The following TAS2R1 variants were observed in gnomAD, a reference collection of about 807,000 sequenced individuals.
The protein encoded by TAS2R1 is taste 2 receptor member 1.
For synonymous variants in TAS2R1, 141 were observed against 134.2 expected, an observed-to-expected ratio of 1.05 and a Z score of -0.35; for missense variants, 370 against 353.4, an observed-to-expected ratio of 1.05 and a Z score of -0.38.
intron 1 of TAS2R1, among the ~76,000 whole-genome samples, chr5:9,670,486 A>G (rs965891964): frequency 6.6e-6 from 1 of 152,194 alleles, no homozygotes; most frequent in Non-Finnish European, 1.5e-5. Flanking sequence ...TGTTCTGTCT[A>G]TAAATCTTCT....
At chr5:9,834,311 A>G in the TAS2R1 span, among the ~76,000 whole-genome samples, 1 of 152,228 alleles carries the variant, frequency 6.6e-6, no homozygotes, top group African/African-American at 2.4e-5. Flanking sequence ...ACAGAATCCC[A>G]TCTTAGTGGG....
At chr5:9,859,876 A>G in the TAS2R1 span, among the ~76,000 whole-genome samples, 1 of 152,248 alleles carries the variant, frequency 6.6e-6, no homozygotes, top group Non-Finnish European at 1.5e-5. Flanking sequence ...CACAGGATCC[A>G]GTGAAAAAGT....
the TAS2R1 span, among the ~76,000 whole-genome samples, chr5:9,809,454 T>C: frequency 1.3e-5 from 2 of 151,996 alleles, no homozygotes; most frequent in Non-Finnish European, 2.9e-5. Context: ...ATTATGGGAT[T>C]AGTGTCCTTA....
At chr5:9,802,759 C>T in the TAS2R1 span, among the ~76,000 whole-genome samples, 3 of 151,988 alleles carry the variant, frequency 2.0e-5, no homozygotes, top group African/African-American at 7.3e-5. Context: ...AAAAATTAGC[C>T]GGACGTGGTG....
chr5:9,755,679 G>C, the TAS2R1 span, among the ~76,000 whole-genome samples: 5 of 151,974 alleles, frequency 3.3e-5, no homozygotes, highest in Admixed American at 3.3e-4. Context: ...CTGGTTGTCC[G>C]TTTTTATAGT....
At chr5:9,780,944 T>C in the TAS2R1 span, among the ~76,000 whole-genome samples, 2 of 152,196 alleles carry the variant, frequency 1.3e-5, no homozygotes, top group African/African-American at 2.4e-5. Context: ...AACTCCCTCC[T>C]GAGTTTCTAG....
At chr5:9,901,529 TACTG>T in the TAS2R1 span, among the ~76,000 whole-genome samples, 1 of 152,098 alleles carries the variant, frequency 6.6e-6, no homozygotes, top group Non-Finnish European at 1.5e-5. Flanking sequence ...AGCTCTAGAA[TACTG>T]ACTGAGTTTA....
chr5:9,865,196 C>G, the TAS2R1 span, among the ~76,000 whole-genome samples: 2 of 152,168 alleles, frequency 1.3e-5, no homozygotes, highest in South Asian at 4.2e-4. Flanking sequence ...GGAGATGGAG[C>G]TAATGGTGTC....
At chr5:9,676,419 T>C (rs1740875835) in intron 1 of TAS2R1, among the ~76,000 whole-genome samples, 1 of 152,260 alleles carries the variant, frequency 6.6e-6, no homozygotes, top group South Asian at 2.1e-4. Flanking sequence ...CACAGATGAA[T>C]TGAATATAAC....
chr5:9,774,699 T>C, the TAS2R1 span, among the ~76,000 whole-genome samples: 1 of 152,274 alleles, frequency 6.6e-6, no homozygotes, highest in Admixed American at 6.5e-5. Flanking sequence ...ATAGAGGTAC[T>C]GCCTTTGTGG....
At chr5:9,878,495 A>C in the TAS2R1 span, among the ~76,000 whole-genome samples, 3 of 152,228 alleles carry the variant, frequency 2.0e-5, no homozygotes, top group Non-Finnish European at 4.4e-5. Context: ...TTGGAAGTGA[A>C]CCACGAACGC....
chr5:9,794,356 G>A, the TAS2R1 span, among the ~76,000 whole-genome samples: 1 of 152,100 alleles, frequency 6.6e-6, no homozygotes, highest in Non-Finnish European at 1.5e-5. Flanking sequence ...AGTCTATCCT[G>A]TTAGGGATAT....
upstream of TAS2R1, among the ~76,000 whole-genome samples, chr5:9,631,334 G>T (rs919233860): frequency 1.3e-5 from 2 of 152,136 alleles, no homozygotes; most frequent in African/African-American, 4.8e-5. Flanking sequence ...CAAATTCCTG[G>T]ACTCAGGTAA....
the TAS2R1 span, among the ~76,000 whole-genome samples, chr5:9,790,906 C>T: frequency 3.9e-5 from 6 of 152,148 alleles, no homozygotes; most frequent in Admixed American, 1.3e-4. Context: ...TCTCAAAGTG[C>T]TGGGATTACA....
the TAS2R1 span, among the ~76,000 whole-genome samples, chr5:9,767,923 C>CAAAAA: frequency 4.2e-5 from 4 of 96,290 alleles, no homozygotes; most frequent in African/African-American, 8.3e-5. Flanking sequence ...GACTCCGTCT[C>CAAAAA]AAAAAAAAAA....
chr5:9,774,959 AG>A, the TAS2R1 span, among the ~76,000 whole-genome samples: 2 of 152,184 alleles, frequency 1.3e-5, no homozygotes, highest in Non-Finnish European at 2.9e-5. Context: ...TCAAGGCCCT[AG>A]GGCTCTACAA....
the TAS2R1 span, among the ~76,000 whole-genome samples, chr5:9,742,286 C>T: frequency 2.0e-5 from 3 of 152,124 alleles, no homozygotes; most frequent in Non-Finnish European, 1.5e-5. Flanking sequence ...TCTCATTCAC[C>T]CACTGAGAAT....
At chr5:9,670,985 A>G (rs186528208) in intron 1 of TAS2R1, among the ~76,000 whole-genome samples, 194 of 152,352 alleles carry the variant, frequency 1.3e-3, no homozygotes, top group African/African-American at 4.1e-3. Flanking sequence ...GGTTGGTTCA[A>G]CTTATGTAAA....
At chr5:9,803,658 G>A in the TAS2R1 span, among the ~76,000 whole-genome samples, 2 of 152,168 alleles carry the variant, frequency 1.3e-5, no homozygotes, top group Admixed American at 1.3e-4. Flanking sequence ...CATGAATGAA[G>A]GAAAGATACA....
Sources: gnomAD v4.1 joint callset for allele counts (sites outside exome capture counted in the v4.1 genomes callset) on GRCh38, gnomAD v4.1.1 for gene constraint, MANE v1.5 for transcripts, NCBI Gene and HGNC (gene_info 2026-07-23, HGNC 2026-07-21) for gene names.